The following RBM20 variants were observed in gnomAD, a reference collection of about 807,000 sequenced individuals.
The protein encoded by RBM20 is RNA-binding protein 20.
In RBM20, 51 loss-of-function variants were observed where a neutral mutation model predicts 110.1. The ratio of observed to expected loss-of-function variants is 0.46; its 90% CI spans 0.37 to 0.59. The LOEUF (loss-of-function observed/expected upper bound fraction) is 0.59, where lower values mean the gene tolerates loss of function less well. Ranked by LOEUF, RBM20 falls within the 20% of genes least tolerant of loss-of-function variation. The pLI, the probability that RBM20 is intolerant of heterozygous loss-of-function variation, is 0.00. For missense variants in RBM20, 1,512 were observed against 1,574.9 expected (o/e 0.96, Z 0.68); for synonymous variants, 589 against 618.2 (o/e 0.95, Z 0.70).
At chr10:110,746,036 G>A (rs1209961356) in intron 1 of RBM20, among the ~76,000 whole-genome samples, 2 of 152,142 alleles carry the variant, frequency 1.3e-5, no homozygotes, top group Non-Finnish European at 2.9e-5. Context: ...GACTTGAGTT[G>A]CCTTCAGCTG....
At chr10:110,649,674 G>A (rs1235905635) in intron 1 of RBM20, among the ~76,000 whole-genome samples, 1 of 152,162 alleles carries the variant, frequency 6.6e-6, no homozygotes, top group Non-Finnish European at 1.5e-5. Flanking sequence ...ATTTTAACAG[G>A]GAAAATTGCT....
intron 5 of RBM20, among the ~76,000 whole-genome samples, chr10:110,786,128 C>T (rs1440982137): frequency 6.6e-6 from 1 of 152,214 alleles, no homozygotes; most frequent in Non-Finnish European, 1.5e-5. Flanking sequence ...CACCCTACAC[C>T]CCCATCTGAC....
intron 1 of RBM20, among the ~76,000 whole-genome samples, chr10:110,654,847 T>TAATAATA (rs1284697399): frequency 2.0e-5 from 3 of 152,180 alleles, no homozygotes; most frequent in Non-Finnish European, 4.4e-5. Context: ...AAGGAAGCAG[T>TAATAATA]AATAATAAAG....
chr10:110,719,597 C>T (rs918149686), intron 1 of RBM20, among the ~76,000 whole-genome samples: 1 of 152,124 alleles, frequency 6.6e-6, no homozygotes, highest in Non-Finnish European at 1.5e-5. Context: ...ATCAGGCCAA[C>T]ATTTTCAATT....
intron 5 of RBM20, among the ~76,000 whole-genome samples, chr10:110,790,764 C>A (rs1844473647): frequency 6.6e-6 from 1 of 152,108 alleles, no homozygotes; most frequent in Non-Finnish European, 1.5e-5. Context: ...TGTGTAACTT[C>A]ATTTTTGTAT....
At chr10:110,810,210 A>G (rs1844746853) in intron 7 of RBM20, among the ~76,000 whole-genome samples, 173 bp from the exon 8 acceptor site, 1 of 152,138 alleles carries the variant, frequency 6.6e-6, no homozygotes, top group African/African-American at 2.4e-5. Flanking sequence ...AGCCCCACCC[A>G]GTTCAGCATT....
At chr10:110,771,524 T>C (rs1290319156) in intron 1 of RBM20, among the ~76,000 whole-genome samples, 3 of 152,188 alleles carry the variant, frequency 2.0e-5, no homozygotes, top group Non-Finnish European at 4.4e-5. Flanking sequence ...CTTCGAATGA[T>C]CATGGGACAG....
chr10:110,760,170 C>T (rs1441250592), intron 1 of RBM20, among the ~76,000 whole-genome samples: 2 of 152,184 alleles, frequency 1.3e-5, no homozygotes, highest in African/African-American at 2.4e-5. Flanking sequence ...TTGCAAAGAA[C>T]CTTCCCAGAA....
chr10:110,835,805 C>T, intron 13 of RBM20, 63 bp from the exon 14 acceptor site: 2 of 1,494,230 alleles, frequency 1.3e-6, no homozygotes, highest in Admixed American at 2.0e-5. Context: ...GTCCGCTCCT[C>T]TCCTCTCCAT....
intron 12 of RBM20, among the ~76,000 whole-genome samples, chr10:110,829,754 G>C (rs962436911): frequency 3.9e-5 from 6 of 152,222 alleles, no homozygotes; most frequent in Admixed American, 6.5e-5. Flanking sequence ...GTCACGCTGT[G>C]CCTTGGAGCA....
At chr10:110,769,479 C>A (rs1844156164) in intron 1 of RBM20, among the ~76,000 whole-genome samples, 1 of 152,168 alleles carries the variant, frequency 6.6e-6, no homozygotes, top group African/African-American at 2.4e-5. Flanking sequence ...ACTCAACCAT[C>A]TATGTTACCT....
intron 1 of RBM20, among the ~76,000 whole-genome samples, chr10:110,684,615 G>A (rs1862474806): frequency 6.6e-6 from 1 of 152,138 alleles, no homozygotes; most frequent in Non-Finnish European, 1.5e-5. Context: ...AGAAGTATGT[G>A]CTACAAAACA....
chr10:110,726,221 C>T (rs1226461042), intron 1 of RBM20, among the ~76,000 whole-genome samples: 5 of 152,190 alleles, frequency 3.3e-5, no homozygotes, highest in African/African-American at 1.2e-4. Context: ...GTTTGGGTTT[C>T]AGGGCTGCTG....
At chr10:110,781,985 T>C in intron 2 of RBM20, 101 bp downstream of exon 2, 2 of 1,417,078 alleles carry the variant, frequency 1.4e-6, no homozygotes, top group Non-Finnish European at 1.9e-6. Flanking sequence ...ACTGTTGCAT[T>C]GGGGTAACAG....
At chr10:110,697,954 C>T (rs1862691732) in intron 1 of RBM20, among the ~76,000 whole-genome samples, 1 of 149,870 alleles carries the variant, frequency 6.7e-6, no homozygotes, top group South Asian at 2.1e-4. Flanking sequence ...GTCGCCCGGG[C>T]TGGAGTGCAG....
At chr10:110,690,908 G>C (rs1376520953) in intron 1 of RBM20, among the ~76,000 whole-genome samples, 1 of 152,208 alleles carries the variant, frequency 6.6e-6, no homozygotes, top group Non-Finnish European at 1.5e-5. Context: ...AAAGACCTGA[G>C]TCAATACTTT....
intron 1 of RBM20, among the ~76,000 whole-genome samples, chr10:110,763,242 A>C (rs186710797): frequency 6.6e-6 from 1 of 151,974 alleles, no homozygotes; most frequent in African/African-American, 2.4e-5. Flanking sequence ...AACGTCACAC[A>C]CCGGGTCTGA....
chr10:110,736,366 G>A (rs530255629), intron 1 of RBM20, among the ~76,000 whole-genome samples: 7 of 147,986 alleles, frequency 4.7e-5, no homozygotes, highest in South Asian at 2.1e-4. Flanking sequence ...CTATCTGTGC[G>A]TGTCAAGACA....
chr10:110,768,402 C>T (rs1844139460), intron 1 of RBM20, among the ~76,000 whole-genome samples: 1 of 152,170 alleles, frequency 6.6e-6, no homozygotes. Flanking sequence ...CTTAAGGCAC[C>T]AGAAACTTCC....
Sources: gnomAD v4.1 joint callset for allele counts (sites outside exome capture counted in the v4.1 genomes callset) on GRCh38, gnomAD v4.1.1 for gene constraint, MANE v1.5 for transcripts, NCBI Gene and HGNC (gene_info 2026-07-23, HGNC 2026-07-21) for gene names.